The following SLC12A7 variants were observed in gnomAD, a reference collection of about 807,000 sequenced individuals.
SLC12A7 encodes the protein K-Cl cotransporter 4.
A neutral mutation model predicts 120.6 loss-of-function variants in SLC12A7; 100 were observed. The ratio of observed to expected loss-of-function variants is 0.83; its 90% CI spans 0.71 to 0.98. SLC12A7 has a LOEUF of 0.98. Among genes scored for constraint, SLC12A7 ranks in the 50% least tolerant of loss-of-function variants. The probability of loss-of-function intolerance (pLI) is 0.00; values close to 1 mark genes in which losing one functional copy is unlikely to be tolerated. For missense variants in SLC12A7, 1,373 were observed against 1,548.1 expected, an observed-to-expected ratio of 0.89 and a Z score of 1.90; for synonymous variants, 760 against 678.0, an observed-to-expected ratio of 1.12 and a Z score of -1.88.
At chr5:1,069,773 C>G (rs1038634048) in intron 17 of SLC12A7, among the ~76,000 whole-genome samples, 39 of 152,198 alleles carry the variant, frequency 2.6e-4, no homozygotes, top group African/African-American at 9.4e-4. Context: ...ATCGTGTCAT[C>G]ATTCCGTTTC....
Position 1,083,793 on chromosome 5 carries a change from C to T in SLC12A7, c.1081G>A (p.Val361Ile), listed in dbSNP as rs767922073. Residue 361 changes from valine (V) to isoleucine (I), a missense_variant, in exon 8 of 24, where the codon GTC (valine) becomes ATC (isoleucine). Val to Ile is a conservative substitution (Grantham distance 29, BLOSUM62 3). Transcript: ENST00000264930. ...ACDEYFIQNN[V>I]TEIQGIPGAA... ...CCCGGGATGCCCTGGATTTCGGTGA[C>T]GTTGTTCTGGATGAAGTACTCGTCA... 9.3e-6 allele frequency: 15 copies of T among 1,612,374 alleles called. No individual in the cohort carries two copies. In the East Asian group the frequency reaches 1.1e-4, roughly 12 times the overall value.
chr5:1,137,860 C>T, the SLC12A7 span, among the ~76,000 whole-genome samples: 1 of 152,188 alleles, frequency 6.6e-6, no homozygotes, highest in Non-Finnish European at 1.5e-5. Context: ...GGGCCTGGCG[C>T]ACTGTGAGGA....
intron 22 of SLC12A7, among the ~76,000 whole-genome samples, chr5:1,053,912 G>A (rs1309010862): frequency 2.0e-5 from 3 of 152,186 alleles, no homozygotes; most frequent in Non-Finnish European, 2.9e-5. Flanking sequence ...TAAACCCCAC[G>A]TCAGACACTG....
chr5:1,141,819 C>T, the SLC12A7 span, among the ~76,000 whole-genome samples: 1 of 152,078 alleles, frequency 6.6e-6, no homozygotes, highest in Non-Finnish European at 1.5e-5. Flanking sequence ...GAGGGTTCGC[C>T]GGGACAGATC....
Position 1,111,905 on chromosome 5 carries a change from G to C in SLC12A7, c.87C>G (p.Gly29=). ...GCTCGGGCTCGGGGCCCTCGGGGGTGCCCGGAGCCTCCGTCCGCTCGGCAG... is the reference window on the plus strand; with the variant it reads ...GCTCGGGCTCGGGGCCCTCGGGGGTCCCCGGAGCCTCCGTCCGCTCGGCAG... ...DETAERTEAP[G]TPEGPEPERP... Residue 29 remains glycine (G), a synonymous_variant, in exon 1 of 24, where the codon GGC becomes GGG. Transcript: ENST00000264930. 8.0e-7 allele frequency: 1 copy of C among 1,245,300 alleles called. No homozygotes were observed. 77.1% of individuals were successfully genotyped at this position (1,245,300 alleles called of 1,614,324 possible).
chr5:1,129,282 G>T, the SLC12A7 span, among the ~76,000 whole-genome samples: 1 of 152,104 alleles, frequency 6.6e-6, no homozygotes, highest in Non-Finnish European at 1.5e-5. Context: ...ACGCCTCCTG[G>T]CTCCAAGTGA....
At chr5:1,064,406 C>A (rs1278179999) in intron 18 of SLC12A7, among the ~76,000 whole-genome samples, 154 bp from the exon 19 acceptor site, 1 of 152,234 alleles carries the variant, frequency 6.6e-6, no homozygotes, top group Non-Finnish European at 1.5e-5. Context: ...CTCCAAGGAC[C>A]AGCCAGAGAC....
chr5:1,154,354 A>AACACACACACACACAC, the SLC12A7 span, among the ~76,000 whole-genome samples: 40 of 141,806 alleles, frequency 2.8e-4, no homozygotes, highest in African/African-American at 9.5e-4. Context: ...TGGTGTCCGC[A>AACACACACACACACAC]ACACACACAC....
intron 20 of SLC12A7, among the ~76,000 whole-genome samples, chr5:1,062,563 T>G (rs919130873): frequency 1.3e-5 from 2 of 152,170 alleles, no homozygotes; most frequent in African/African-American, 4.8e-5. Flanking sequence ...CCACGGGAAC[T>G]GACACAGAAA....
At chr5:1,084,094 C>A in intron 7 of SLC12A7, 138 bp from the exon 8 acceptor site, 1 of 704,502 alleles carries the variant, frequency 1.4e-6, no homozygotes, top group Non-Finnish European at 2.4e-6. Context: ...GACAGGAAGG[C>A]CACAGATCAC....
the SLC12A7 span, among the ~76,000 whole-genome samples, chr5:1,132,534 TTC>T: frequency 6.6e-6 from 1 of 152,114 alleles, no homozygotes; most frequent in South Asian, 2.1e-4. Flanking sequence ...CTGGTAACAG[TTC>T]TTTTTTCTTT....
chr5:1,062,559 G>T (rs1736405916), intron 20 of SLC12A7, among the ~76,000 whole-genome samples: 1 of 152,184 alleles, frequency 6.6e-6, no homozygotes, highest in South Asian at 2.1e-4. Context: ...AGTTCCACGG[G>T]AACTGACACA....
At chr5:1,092,123 T>C (rs537381838) in intron 3 of SLC12A7, among the ~76,000 whole-genome samples, 68 of 152,356 alleles carry the variant, frequency 4.5e-4, no homozygotes, top group African/African-American at 1.6e-3. Context: ...AACCCCAGAT[T>C]GAGGCTTCTC....
At chr5:1,079,524 C>G in intron 9 of SLC12A7, 28 bp from the exon 10 acceptor site, 1 of 1,580,508 alleles carries the variant, frequency 6.3e-7, no homozygotes. Flanking sequence ...GCTGCAAAGA[C>G]CCATCTGAGG....
chr5:1,085,158 G>C, intron 7 of SLC12A7, 74 bp downstream of exon 7: 1 of 1,561,566 alleles, frequency 6.4e-7, no homozygotes, highest in South Asian at 1.2e-5. Flanking sequence ...GATGATGGAC[G>C]AGAGGCGGGC....
chr5:1,063,813 G>A (rs750918704), intron 20 of SLC12A7, 31 bp downstream of exon 20: 19 of 157,024 alleles, frequency 1.2e-4, no homozygotes, highest in Middle Eastern at 2.6e-3. Context: ...ACCTCCCCCC[G>A]GCCTCCTCCC....
chr5:1,108,646 C>T (rs548948406), intron 1 of SLC12A7, among the ~76,000 whole-genome samples: 23 of 152,342 alleles, frequency 1.5e-4, no homozygotes, highest in African/African-American at 5.1e-4. Flanking sequence ...AATGCGTGAT[C>T]CCCCAAGTCC....
At position 1,112,003 on chromosome 5, in the gene SLC12A7, G is replaced by A. The variant is rs771982390; in HGVS notation, c.-12C>T. On this transcript the variant is annotated 5_prime_UTR_variant, in exon 1 of 24. Coordinates refer to ENST00000264930, the MANE Select transcript of SLC12A7 (RefSeq NM_006598.3). ...AAGTTGGTGGGCATGGCCGCCTGCA[G>A]CCGACAGTCCCCGTCCCGGCCCGGC... 1.6e-6 allele frequency: 2 copies of A among 1,268,092 alleles called. No homozygotes were observed. The highest frequency in any genetic ancestry group is 3.0e-5 in the East Asian group (1 of 33,024). 78.6% of individuals were successfully genotyped at this position (1,268,092 alleles called of 1,614,324 possible).
chr5:1,117,594 T>C, the SLC12A7 span, among the ~76,000 whole-genome samples: 1 of 152,314 alleles, frequency 6.6e-6, no homozygotes, highest in Admixed American at 6.5e-5. This position sits in a 1 kb window ranked among gnomAD's most constrained non-coding sequence, Gnocchi z 4.5. Flanking sequence ...TTGCGGATCC[T>C]TGTTGCGCTA....
Sources: gnomAD v4.1 joint callset for allele counts (sites outside exome capture counted in the v4.1 genomes callset) on GRCh38, gnomAD v4.1.1 for gene constraint, Gnocchi (gnomAD v3.1) non-coding constraint, MANE v1.5 for transcripts, NCBI Gene and HGNC (gene_info 2026-07-23, HGNC 2026-07-21) for gene names.